Variants in PLEKHA1 observed in about 807,000 individuals in gnomAD.
PLEKHA1 encodes pleckstrin homology domain containing A1, also known as pleckstrin homology domain-containing family A member 1.
A neutral mutation model predicts 52.0 loss-of-function variants in PLEKHA1; 34 were observed. The observed-to-expected ratio is 0.65, with a 90% CI of 0.50 to 0.87. The LOEUF (loss-of-function observed/expected upper bound fraction) is 0.87, where lower values mean the gene tolerates loss of function less well. Among genes scored for constraint, PLEKHA1 ranks in the 40% least tolerant of loss-of-function variants. The probability of loss-of-function intolerance (pLI) is 0.00; values close to 1 mark genes in which losing one functional copy is unlikely to be tolerated. For synonymous variants in PLEKHA1, 163 were observed against 170.7 expected (o/e 0.95, Z 0.35); for missense variants, 497 against 504.2 (o/e 0.99, Z 0.14).
rs1470658955 is a variant in PLEKHA1 at position 122,424,899 on chromosome 10, CATA to C, written c.753_755del (p.Ile251del). Reference sequence around the variant, plus strand: ...ATTGGATTTTTTTTTCATACAGCGACATAATGATGAGGGACAACCTCTTTGAAA... The same window carrying C: ...ATTGGATTTTTTTTTCATACAGCGACATGATGAGGGACAACCTCTTTGAAA... On this transcript the variant is annotated inframe_deletion, in exon 10 of 12. Coordinates refer to ENST00000368990, the MANE Select transcript of PLEKHA1 (RefSeq NM_001001974.4). The C allele has an allele frequency of 9.3e-6, 15 of 1,607,966 alleles. No individual in the cohort carries two copies. The highest frequency in any genetic ancestry group is 3.3e-5 in the South Asian group (3 of 89,724).
downstream of PLEKHA1, chr10:122,436,419 A>T (rs1445394157): frequency 2.6e-5 from 4 of 152,246 alleles, no homozygotes; most frequent in African/African-American, 9.6e-5. Context: ...AATAAATAGT[A>T]AGTAACAGAT....
chr10:122,423,295 G>C (rs1301031512), intron 8 of PLEKHA1: 1 of 151,482 alleles, frequency 6.6e-6, no homozygotes, highest in African/African-American at 2.4e-5. Context: ...GTGGTGGCAG[G>C]CGCCTGTAAT....
chr10:122,406,788 G>A, intron 5 of PLEKHA1, 115 bp downstream of exon 5: 1 of 757,404 alleles, frequency 1.3e-6, no homozygotes, highest in Non-Finnish European at 2.2e-6. Context: ...CTCAAGCTTT[G>A]TTTAAAAGAC....
chr10:122,375,990 T>C (rs2096528987), intron 1 of PLEKHA1, among the ~76,000 whole-genome samples: 1 of 152,218 alleles, frequency 6.6e-6, no homozygotes, highest in African/African-American at 2.4e-5. Context: ...GTTTACACCA[T>C]TGTCTTTCAT....
Position 122,429,773 on chromosome 10 carries a change from G to A in PLEKHA1, c.1050G>A (p.Lys350=), listed in dbSNP as rs199613099. ...GAGGATTTTACGAGTCTCTTGCCAAGGTCAAGCCAGGGAACTTCAAGGTCC... is the reference window on the plus strand; with the variant it reads ...GAGGATTTTACGAGTCTCTTGCCAAAGTCAAGCCAGGGAACTTCAAGGTCC... ...EKRGFYESLA[K]VKPGNFKVQT... The change falls in exon 12 of 12, where the codon AAG becomes AAA. Residue 350 remains lysine (K), a synonymous_variant. Transcript: ENST00000368990. The A allele has an allele frequency of 5.0e-6, 8 of 1,614,176 alleles. No homozygotes were observed. In the East Asian group the frequency reaches 1.8e-4, roughly 36 times the overall value.
intron 2 of PLEKHA1, among the ~76,000 whole-genome samples, chr10:122,394,004 C>T (rs2096811605): frequency 6.6e-6 from 1 of 151,592 alleles, no homozygotes; most frequent in Admixed American, 6.6e-5. Context: ...ATTGGAATCC[C>T]AGCCTTAAGA....
At chr10:122,404,261 A>G (rs750406385) in intron 4 of PLEKHA1, among the ~76,000 whole-genome samples, 2 of 152,100 alleles carry the variant, frequency 1.3e-5, no homozygotes, top group African/African-American at 2.4e-5. Flanking sequence ...GATCATACCT[A>G]TATATCTACG....
Position 122,430,942 on chromosome 10 carries a change from T to C in PLEKHA1, c.*1004T>C, listed in dbSNP as rs2097410561. ...ATTAATTTTCAGTAGAATAGTTGAA[T>C]GTGTTAAGATAGGATTTTATGTTAG... On this transcript the variant is annotated 3_prime_UTR_variant, in exon 12 of 12. Transcript: ENST00000368990. The C allele has an allele frequency of 6.6e-6, 1 of 152,634 alleles. No individual in the cohort carries two copies. Among genetic ancestry groups the C allele is most frequent in the Non-Finnish European group, 1.5e-5 (1 of 68,042 alleles). 9.5% of individuals were successfully genotyped at this position (152,634 alleles called of 1,614,324 possible).
intron 4 of PLEKHA1, among the ~76,000 whole-genome samples, chr10:122,401,756 CATGA>C (rs1342959470): frequency 1.3e-5 from 2 of 152,082 alleles, no homozygotes; most frequent in African/African-American, 2.4e-5. Context: ...TGTTAGTGGA[CATGA>C]GTGACTGAAG....
chr10:122,411,723 T>C (rs933204456), intron 5 of PLEKHA1: 1 of 152,212 alleles, frequency 6.6e-6, no homozygotes, highest in African/African-American at 2.4e-5. Flanking sequence ...ATCACACTGC[T>C]TTGGAATCAC....
intron 1 of PLEKHA1, among the ~76,000 whole-genome samples, chr10:122,381,258 A>T (rs1484869217): frequency 2.0e-5 from 3 of 152,042 alleles, no homozygotes; most frequent in Non-Finnish European, 2.9e-5. Context: ...AAGTGGTGAG[A>T]AGTAGGATTC....
chr10:122,438,211 T>A, the PLEKHA1 span: 1 of 152,300 alleles, frequency 6.6e-6, no homozygotes, highest in East Asian at 1.9e-4. Context: ...GAGCTGTGAT[T>A]GTGCCACTGC....
chr10:122,438,843 C>G, the PLEKHA1 span: 8 of 150,826 alleles, frequency 5.3e-5, no homozygotes, highest in Non-Finnish European at 1.0e-4. Context: ...ATGAAATACA[C>G]TAACATTAAT....
At chr10:122,385,941 A>T (rs1384473947) in intron 1 of PLEKHA1, among the ~76,000 whole-genome samples, 1 of 152,210 alleles carries the variant, frequency 6.6e-6, no homozygotes, top group Non-Finnish European at 1.5e-5. Flanking sequence ...ATACTGCTAT[A>T]AACATTTGTA....
intron 2 of PLEKHA1, among the ~76,000 whole-genome samples, chr10:122,396,630 A>G (rs2096852943): frequency 6.6e-6 from 1 of 152,108 alleles, no homozygotes; most frequent in Non-Finnish European, 1.5e-5. Context: ...GTTACCTCCT[A>G]ATCATTCATT....
At chr10:122,414,494 T>G (rs2097147716) in intron 6 of PLEKHA1, among the ~76,000 whole-genome samples, 1 of 152,082 alleles carries the variant, frequency 6.6e-6, no homozygotes. Flanking sequence ...AAAGACCTTC[T>G]TAAGAGGATG....
chr10:122,411,034 A>G (rs1482672078), intron 5 of PLEKHA1, among the ~76,000 whole-genome samples: 2 of 152,236 alleles, frequency 1.3e-5, no homozygotes, highest in Non-Finnish European at 2.9e-5. Flanking sequence ...CTAGCAAATC[A>G]TTCCAGGGTA....
chr10:122,427,161 G>T, intron 11 of PLEKHA1, 130 bp downstream of exon 11: 1 of 806,334 alleles, frequency 1.2e-6, no homozygotes, highest in South Asian at 2.0e-5. Context: ...ATACCAATTG[G>T]ACTTGCAAAA....
intron 11 of PLEKHA1, among the ~76,000 whole-genome samples, chr10:122,427,583 C>T (rs2097357979): frequency 6.6e-6 from 1 of 152,196 alleles, no homozygotes; most frequent in African/African-American, 2.4e-5. Context: ...TTAAAACCTG[C>T]TTTAACAGCC....
Sources: gnomAD v4.1 joint callset for allele counts (sites outside exome capture counted in the v4.1 genomes callset) on GRCh38, gnomAD v4.1.1 for gene constraint, MANE v1.5 for transcripts, NCBI Gene and HGNC (gene_info 2026-07-23, HGNC 2026-07-21) for gene names.